Variants in VIPR2 observed in about 807,000 individuals in gnomAD.
VIPR2 encodes vasoactive intestinal peptide receptor 2, also known as vasoactive intestinal polypeptide receptor 2.
Under a neutral mutation model 58.0 loss-of-function variants are expected in VIPR2, and 48 were observed. That is an observed-to-expected ratio of 0.83 (90% CI 0.66 to 1.05). VIPR2 has a LOEUF of 1.05. Ranked by LOEUF, VIPR2 falls within the 50% of genes least tolerant of loss-of-function variation. VIPR2 has a pLI of 0.00. For synonymous variants in VIPR2, 243 were observed against 235.2 expected, an observed-to-expected ratio of 1.03 and a Z score of -0.30; for missense variants, 534 against 558.0, an observed-to-expected ratio of 0.96 and a Z score of 0.43.
At chr7:159,055,522 T>C (rs972557254) in intron 5 of VIPR2, among the ~76,000 whole-genome samples, 4 of 152,174 alleles carry the variant, frequency 2.6e-5, no homozygotes, top group Admixed American at 2.0e-4. Flanking sequence ...TCCAAAGCTG[T>C]GTGGCCACTG....
intron 4 of VIPR2, among the ~76,000 whole-genome samples, chr7:159,062,911 A>AGACAC (rs1420092785): frequency 3.3e-5 from 5 of 152,204 alleles, no homozygotes; most frequent in Admixed American, 2.0e-4. Flanking sequence ...TCCCTGAGCC[A>AGACAC]GACACAAAAG....
intron 2 of VIPR2, among the ~76,000 whole-genome samples, chr7:159,118,455 C>T (rs183567947): frequency 1.0e-3 from 159 of 152,298 alleles, no homozygotes; most frequent in African/African-American, 3.7e-3. Flanking sequence ...AAGACCAAGG[C>T]GGGAGAACAG....
chr7:159,091,087 C>A (rs1857476518), intron 4 of VIPR2, among the ~76,000 whole-genome samples: 2 of 152,266 alleles, frequency 1.3e-5, no homozygotes, highest in African/African-American at 4.8e-5. Context: ...ACGCTGTGAT[C>A]ACACACAGAG....
At chr7:159,044,476 A>T (rs1021971629) in intron 5 of VIPR2, among the ~76,000 whole-genome samples, 6 of 152,076 alleles carry the variant, frequency 3.9e-5, no homozygotes, top group African/African-American at 1.4e-4. Context: ...AAATAAAATG[A>T]ATCAACAAAA....
At chr7:159,102,734 G>A (rs1563329171) in intron 4 of VIPR2, among the ~76,000 whole-genome samples, 1 of 152,184 alleles carries the variant, frequency 6.6e-6, no homozygotes, top group Non-Finnish European at 1.5e-5. Flanking sequence ...GCGGAGCAGG[G>A]TCAGGGCAGG....
At position 159,098,338 on chromosome 7, in the gene VIPR2, G is replaced by A. The variant is rs1186840113; in HGVS notation, c.357+5419C>T. Among the ~76,000 whole-genome samples, 1 of 152,180 alleles carries A rather than the reference G, an allele frequency of 6.6e-6. No homozygotes were observed. The highest frequency in any genetic ancestry group is 6.5e-5 in the Admixed American group (1 of 15,286). ...AGTGCGGGTGGGCAAGCGGAGAGGA[G>A]CAGCTGTGGAGGGCAAGGACTGGGG... On this transcript the variant is annotated intron_variant, in intron 4 of 12. Transcript: ENST00000262178. The surrounding 1 kb of genome is among the most constrained non-coding windows in gnomAD (Gnocchi z 5.2).
intron 5 of VIPR2, among the ~76,000 whole-genome samples, chr7:159,053,085 T>G (rs746748172): frequency 9.9e-5 from 15 of 152,088 alleles, no homozygotes; most frequent in Non-Finnish European, 1.9e-4. Flanking sequence ...ATGGATTTAG[T>G]GAGGTTGCTG....
At chr7:159,104,529 C>T (rs1490195960) in intron 3 of VIPR2, among the ~76,000 whole-genome samples, 3 of 145,234 alleles carry the variant, frequency 2.1e-5, no homozygotes, top group Non-Finnish European at 4.5e-5. Flanking sequence ...CTGGCAGCAC[C>T]CTCCCTCCTC....
At chr7:159,094,606 A>C (rs1857715749) in intron 4 of VIPR2, among the ~76,000 whole-genome samples, 1 of 152,164 alleles carries the variant, frequency 6.6e-6, no homozygotes, top group Non-Finnish European at 1.5e-5. Flanking sequence ...TGATAATTGC[A>C]GTGTGATTTT....
intron 2 of VIPR2, among the ~76,000 whole-genome samples, chr7:159,135,718 G>A (rs1797190477): frequency 6.6e-6 from 1 of 152,128 alleles, no homozygotes; most frequent in Admixed American, 6.5e-5. Context: ...AGCTACTCAG[G>A]AGGCTGAGGC....
intron 2 of VIPR2, among the ~76,000 whole-genome samples, chr7:159,133,322 G>A (rs375285349): frequency 0.083 from 8,967 of 108,624 alleles, 1 homozygote; most frequent in Admixed American, 0.11. Flanking sequence ...AGCTGACCCC[G>A]GACAACAGGC....
intron 2 of VIPR2, among the ~76,000 whole-genome samples, chr7:159,130,324 G>A (rs1413716524): frequency 1.3e-5 from 2 of 152,206 alleles, no homozygotes; most frequent in Non-Finnish European, 2.9e-5. Flanking sequence ...AGAGGAGGCT[G>A]AATTCTGCTA....
At chr7:159,083,912 A>G (rs888033832) in intron 4 of VIPR2, among the ~76,000 whole-genome samples, 3 of 152,208 alleles carry the variant, frequency 2.0e-5, no homozygotes, top group African/African-American at 7.2e-5. Context: ...GGGCTGGTGC[A>G]TGTGAACATT....
At chr7:159,133,031 C>CATACCGATTGATTTTAGA (rs1488940713) in intron 2 of VIPR2, among the ~76,000 whole-genome samples, 12 of 104,218 alleles carry the variant, frequency 1.2e-4, no homozygotes, top group South Asian at 6.0e-4. Flanking sequence ...CAGAATGATT[C>CATACCGATTGATTTTAGA]CAAAAATGCA....
intron 6 of VIPR2, among the ~76,000 whole-genome samples, chr7:159,037,374 G>C (rs1854043018): frequency 6.6e-6 from 1 of 152,224 alleles, no homozygotes; most frequent in Non-Finnish European, 1.5e-5. Flanking sequence ...CCCTGCAGGG[G>C]CCCAGGGCTC....
chr7:159,106,785 GAGAGAGAGGCCGGGGAGGTAC>G (rs1304352584), intron 3 of VIPR2, among the ~76,000 whole-genome samples: 7 of 140,546 alleles, frequency 5.0e-5, no homozygotes, highest in Admixed American at 2.1e-4. Flanking sequence ...CGGGGAGGTA[GAGAGAGAGGCCGGGGAGGTAC>G]AGAGAGAGGC....
At chr7:159,034,680 C>A (rs1853815895) in intron 8 of VIPR2, 30 bp from the exon 9 acceptor site, 2 of 1,600,720 alleles carry the variant, frequency 1.2e-6, no homozygotes, top group Non-Finnish European at 1.7e-6. Context: ...AATCAGGTTA[C>A]CACCAACCAC....
intron 2 of VIPR2, among the ~76,000 whole-genome samples, chr7:159,133,664 C>T (rs1490864218): frequency 4.6e-5 from 7 of 152,236 alleles, no homozygotes; most frequent in South Asian, 4.1e-4. Flanking sequence ...TGGTTATGTA[C>T]GTCTATATGT....
Position 159,109,807 on chromosome 7 carries a change from A to G in VIPR2, c.259+5T>C. The G allele has an allele frequency of 3.7e-6, 6 of 1,614,076 alleles. No individual in the cohort carries two copies. The highest frequency in any genetic ancestry group is 5.1e-6 in the Non-Finnish European group (6 of 1,179,904). ...GAGCTCAGGAACTCAACCGACGGAC[A>G]GTACCTGCTTTGCTGTAAAAATTGC... is the stretch of plus-strand genomic sequence containing the variant. On this transcript the variant is annotated splice_donor_5th_base_variant and intron_variant, in intron 3 of 12. Coordinates refer to ENST00000262178, the MANE Select transcript of VIPR2 (RefSeq NM_003382.5).
Sources: gnomAD v4.1 joint callset for allele counts (sites outside exome capture counted in the v4.1 genomes callset) on GRCh38, gnomAD v4.1.1 for gene constraint, Gnocchi (gnomAD v3.1) non-coding constraint, MANE v1.5 for transcripts, NCBI Gene and HGNC (gene_info 2026-07-23, HGNC 2026-07-21) for gene names.